Variants in BICC1 observed in about 807,000 individuals in gnomAD.
BICC1 encodes the protein BicC family RNA binding protein 1, also known as protein bicaudal C homolog 1.
Under a neutral mutation model 111.0 loss-of-function variants are expected in BICC1, and 43 were observed. That is an observed-to-expected ratio of 0.39 (90% CI 0.30 to 0.50). BICC1 has a LOEUF of 0.50. Among genes scored for constraint, BICC1 ranks in the 20% least tolerant of loss-of-function variants. The pLI is 0.88. For missense variants in BICC1, 1,091 were observed against 1,203.2 expected (o/e 0.91, Z 1.38); for synonymous variants, 467 against 434.4 (o/e 1.07, Z -0.93).
Position 58,649,379 on chromosome 10 carries a change from G to GCT in BICC1, c.237+28487_237+28488dup, listed in dbSNP as rs1399959384. ...TATCACTGAATGAAGCTGGGCTTGT[G>GCT]CTCTCTCTCTGATAACCCACCCACG... On this transcript the variant is annotated intron_variant, in intron 2 of 20. Coordinates refer to ENST00000373886, the MANE Select transcript of BICC1 (RefSeq NM_001080512.3). Among the ~76,000 whole-genome samples the GCT allele has an allele frequency of 3.9e-5, 6 of 152,272 alleles. No homozygotes were observed. The East Asian group carries it at 1.2e-3, about 29-fold the overall frequency.
intron 4 of BICC1, among the ~76,000 whole-genome samples, chr10:58,785,537 C>T (rs530176313): frequency 1.1e-3 from 164 of 151,870 alleles, no homozygotes; most frequent in Middle Eastern, 3.4e-3. Flanking sequence ...TTGTTGCTTG[C>T]TTTTGTGTGA....
intron 3 of BICC1, among the ~76,000 whole-genome samples, chr10:58,735,616 T>C (rs1259837687): frequency 1.3e-5 from 2 of 152,174 alleles, no homozygotes; most frequent in African/African-American, 4.8e-5. Context: ...CCATTTATGA[T>C]TGGGAACTGA....
At chr10:58,729,747 G>C (rs912459246) in intron 3 of BICC1, among the ~76,000 whole-genome samples, 2 of 152,092 alleles carry the variant, frequency 1.3e-5, no homozygotes, top group Non-Finnish European at 2.9e-5. Flanking sequence ...AGAGGCAGAG[G>C]TGCTACACAC....
intron 1 of BICC1, among the ~76,000 whole-genome samples, chr10:58,554,465 C>T (rs1456899508): frequency 6.6e-6 from 1 of 152,138 alleles, no homozygotes; most frequent in Non-Finnish European, 1.5e-5. Flanking sequence ...TCTTATTAAA[C>T]ATGTTAGCCA....
chr10:58,727,943 A>C (rs1841162931), intron 3 of BICC1, among the ~76,000 whole-genome samples: 1 of 152,226 alleles, frequency 6.6e-6, no homozygotes, highest in African/African-American at 2.4e-5. Flanking sequence ...GTCTTTAAAA[A>C]ATGTACATAC....
intron 1 of BICC1, among the ~76,000 whole-genome samples, chr10:58,620,109 C>T (rs1306581465): frequency 6.6e-6 from 1 of 152,188 alleles, no homozygotes; most frequent in African/African-American, 2.4e-5. Flanking sequence ...GCTATTGGCT[C>T]TTTATCACTT....
chr10:58,803,063 C>T lies in BICC1; in HGVS notation c.2016-14C>T. 1 of 1,577,002 alleles carries T rather than the reference C, an allele frequency of 6.3e-7. No individual in the cohort carries two copies. Among genetic ancestry groups the T allele is most frequent in the Non-Finnish European group, 8.6e-7 (1 of 1,161,680 alleles). On this transcript the variant is annotated splice_polypyrimidine_tract_variant and intron_variant, in intron 14 of 20. Transcript: ENST00000373886. ...ATATAGTGGAGTGTTAAATTCCACACTCTTATTTCACAGCAGCACTGACAG... is the reference window on the plus strand; with the variant it reads ...ATATAGTGGAGTGTTAAATTCCACATTCTTATTTCACAGCAGCACTGACAG...
chr10:58,823,064 A>G (rs777553958), intron 20 of BICC1, among the ~76,000 whole-genome samples: 2 of 150,306 alleles, frequency 1.3e-5, no homozygotes, highest in Middle Eastern at 6.9e-3. Context: ...TTTTCCCCAA[A>G]TCCACTTTTT....
At chr10:58,548,892 C>G (rs1333222755) in intron 1 of BICC1, among the ~76,000 whole-genome samples, 1 of 152,070 alleles carries the variant, frequency 6.6e-6, no homozygotes, top group Non-Finnish European at 1.5e-5. Context: ...CAGGGTTTCC[C>G]TCTGTCACCC....
At position 58,803,167 on chromosome 10, in the gene BICC1, A is replaced by G. The variant is rs1843604990; in HGVS notation, c.2106A>G (p.Ala702=). 6 of 1,611,938 alleles carry G rather than the reference A, an allele frequency of 3.7e-6. No homozygotes were observed. The highest frequency in any genetic ancestry group is 5.1e-6 in the Non-Finnish European group (6 of 1,178,964). ...AGGCTCCAGGGAGTGAGCGCGCTGC[A>G]GAGAGGGCAGCAGCTGCCCAGCAAA... ...DKKAPGSERA[A]ERAAAAQQNS... is the part of the protein sequence containing the mutation. The change falls in exon 15 of 21, where the codon GCA becomes GCG. Residue 702 remains alanine (A), a synonymous_variant. Coordinates refer to ENST00000373886, the MANE Select transcript of BICC1 (RefSeq NM_001080512.3).
At chr10:58,743,411 C>G (rs1293256373) in intron 3 of BICC1, among the ~76,000 whole-genome samples, 4 of 151,710 alleles carry the variant, frequency 2.6e-5, no homozygotes, top group African/African-American at 9.7e-5. Flanking sequence ...CAAAATGGGA[C>G]CAGGGCCTCT....
chr10:58,601,140 TTATATATATA>T (rs71033690), intron 1 of BICC1, among the ~76,000 whole-genome samples: 18 of 100,664 alleles, frequency 1.8e-4, no homozygotes, highest in Middle Eastern at 7.9e-3. Context: ...ATTTTAAAAC[TTATATATATA>T]TATATATATA....
At chr10:58,806,458 C>A in intron 15 of BICC1, 126 bp from the exon 16 acceptor site, 1 of 788,154 alleles carries the variant, frequency 1.3e-6, no homozygotes, top group Non-Finnish European at 2.2e-6. Context: ...CATTATTGTG[C>A]AAAGCTTGGT....
chr10:58,629,934 T>C (rs1247966438), intron 2 of BICC1, among the ~76,000 whole-genome samples: 1 of 152,228 alleles, frequency 6.6e-6, no homozygotes, highest in Admixed American at 6.5e-5. Context: ...TTTAAATTTC[T>C]AGGCTTTGTA....
intron 1 of BICC1, among the ~76,000 whole-genome samples, chr10:58,594,240 C>A (rs1844735117): frequency 6.6e-6 from 1 of 152,108 alleles, no homozygotes; most frequent in African/African-American, 2.4e-5. Flanking sequence ...AAGACTAAAT[C>A]TACATTTGAT....
At chr10:58,826,406 A>G (rs929604441) in intron 20 of BICC1, among the ~76,000 whole-genome samples, 1 of 152,170 alleles carries the variant, frequency 6.6e-6, no homozygotes, top group African/African-American at 2.4e-5. Context: ...TTTAATGCAG[A>G]TGTAAGTGTC....
intron 2 of BICC1, among the ~76,000 whole-genome samples, chr10:58,665,850 T>G (rs965197869): frequency 1.4e-4 from 21 of 152,208 alleles, no homozygotes; most frequent in African/African-American, 5.1e-4. Flanking sequence ...ATTTCTGATC[T>G]CTAATGAATT....
intron 2 of BICC1, among the ~76,000 whole-genome samples, chr10:58,655,247 G>T (rs907568546): frequency 6.9e-6 from 1 of 144,672 alleles, no homozygotes; most frequent in African/African-American, 2.5e-5. Context: ...TGTGGGGATG[G>T]CATTGAATCT....
intron 1 of BICC1, among the ~76,000 whole-genome samples, chr10:58,595,453 A>G (rs112635249): frequency 0.01 from 1,550 of 152,306 alleles, 25 homozygotes; most frequent in African/African-American, 0.036. Flanking sequence ...AAAATTGACC[A>G]TGTAATTGGA....
Sources: gnomAD v4.1 joint callset for allele counts (sites outside exome capture counted in the v4.1 genomes callset) on GRCh38, gnomAD v4.1.1 for gene constraint, MANE v1.5 for transcripts, NCBI Gene and HGNC (gene_info 2026-07-23, HGNC 2026-07-21) for gene names.